Variants in CABLES1 observed in about 807,000 individuals in gnomAD.
The protein encoded by CABLES1 is CDK5 and ABL1 enzyme substrate 1.
In CABLES1, 36 loss-of-function variants were observed where a neutral mutation model predicts 57.8. The ratio of observed to expected loss-of-function variants is 0.62; its 90% CI spans 0.48 to 0.82. The LOEUF (loss-of-function observed/expected upper bound fraction) is 0.82. Ranked by LOEUF, CABLES1 falls within the 40% of genes least tolerant of loss-of-function variation. The probability of loss-of-function intolerance (pLI) is 0.00; values close to 1 mark genes in which losing one functional copy is unlikely to be tolerated. For missense variants in CABLES1, 767 were observed against 836.6 expected, an observed-to-expected ratio of 0.92 and a Z score of 1.03; for synonymous variants, 374 against 363.0, an observed-to-expected ratio of 1.03 and a Z score of -0.35.
Position 23,214,050 on chromosome 18 carries a change from G to A in CABLES1, c.1084G>A (p.Val362Ile), listed in dbSNP as rs183575205. ...SVLPYRDSTQ[V>I]GDLKLDGGRQ... ...GCTGCCGTATCGCGACAGTACCCAAGTCGGGTATGTATATGCATGCATGCT... is the reference window on the plus strand; with the variant it reads ...GCTGCCGTATCGCGACAGTACCCAAATCGGGTATGTATATGCATGCATGCT... Residue 362 changes from valine (V) to isoleucine (I), a missense_variant, in exon 4 of 10, where the codon GTC becomes ATC. By Grantham distance (29) the Val-to-Ile change is conservative. Transcript: ENST00000256925. 1.2e-4 allele frequency: 186 copies of A among 1,610,176 alleles called. No individual in the cohort carries two copies. The highest frequency in any genetic ancestry group is 1.7e-4 in the Admixed American group (10 of 59,840).
chr18:23,237,448 A>G (rs1047778232), intron 7 of CABLES1, among the ~76,000 whole-genome samples: 1 of 152,130 alleles, frequency 6.6e-6, no homozygotes, highest in Middle Eastern at 3.2e-3. Context: ...CACCACTTTC[A>G]AGGCTGGGCT....
At chr18:23,211,692 C>T (rs1425524898) in intron 3 of CABLES1, among the ~76,000 whole-genome samples, 1 of 152,260 alleles carries the variant, frequency 6.6e-6, no homozygotes, top group East Asian at 1.9e-4. Flanking sequence ...GCTCAAGTTC[C>T]AATCTCCACC....
At chr18:23,231,458 C>T (rs2047566615) in intron 4 of CABLES1, among the ~76,000 whole-genome samples, 1 of 152,190 alleles carries the variant, frequency 6.6e-6, no homozygotes. Context: ...TCTCCAGTAG[C>T]AGTTGAGGGT....
At chr18:23,155,189 A>G (rs1407543232) in intron 1 of CABLES1, among the ~76,000 whole-genome samples, 1 of 152,214 alleles carries the variant, frequency 6.6e-6, no homozygotes, top group Non-Finnish European at 1.5e-5. Flanking sequence ...AAGAAAATAA[A>G]AGTCAAGGCT....
rs1216445109 is a variant in CABLES1 at position 23,259,954 on chromosome 18, T to C, written c.*2587T>C. 9.3e-5 allele frequency: 14 copies of C among 151,050 alleles called. No homozygotes were observed. Among genetic ancestry groups the C allele is most frequent in the African/African-American group, 2.9e-4 (12 of 41,108 alleles). 9.4% of individuals were successfully genotyped at this position (151,050 alleles called of 1,614,324 possible). A position where few individuals can be genotyped will look rare whatever the true frequency, so the allele number is the denominator to read the frequency against. On this transcript the variant is annotated 3_prime_UTR_variant, in exon 10 of 10. Coordinates refer to ENST00000256925, the MANE Select transcript of CABLES1 (RefSeq NM_001100619.3). ...CTCCGCCCAGCCACACTCCTTGGGATAATACTAGCCGGTTCTGCCTGATTC... is the reference window on the plus strand; with the variant it reads ...CTCCGCCCAGCCACACTCCTTGGGACAATACTAGCCGGTTCTGCCTGATTC...
At chr18:23,156,712 T>G (rs1357002006) in intron 1 of CABLES1, among the ~76,000 whole-genome samples, 1 of 152,162 alleles carries the variant, frequency 6.6e-6, no homozygotes, top group South Asian at 2.1e-4. Context: ...TAAAGACACC[T>G]AATTTAATAT....
intron 7 of CABLES1, 52 bp downstream of exon 7, chr18:23,237,297 C>A (rs763314753): frequency 2.1e-5 from 27 of 1,295,160 alleles, no homozygotes; most frequent in South Asian, 1.9e-4. Context: ...GTTGCCCCAC[C>A]TGGGTTGGTG....
rs1221524978 is a variant in CABLES1, at chr18:23,150,947, C to T, written c.845+14340C>T. Among the ~76,000 whole-genome samples, 10 of 151,080 alleles carry T rather than the reference C, an allele frequency of 6.6e-5. No homozygotes were observed. The East Asian group carries it at 1.9e-3, about 29-fold the overall frequency. ...GGCTGACCTGAGAATCGGGCGGATG[C>T]CTCATAACGCTAAGAGCTCTCATTG... On this transcript the variant is annotated intron_variant, in intron 1 of 9. Transcript: ENST00000256925.
At chr18:23,136,710 C>T (rs2046825160) in intron 1 of CABLES1, 103 bp downstream of exon 1, 2 of 747,098 alleles carry the variant, frequency 2.7e-6, no homozygotes, top group African/African-American at 1.8e-5. Flanking sequence ...CTCCCATTTT[C>T]CCGCGCCCTG....
At chr18:23,142,827 G>C (rs188283100) in intron 1 of CABLES1, among the ~76,000 whole-genome samples, 1 of 152,100 alleles carries the variant, frequency 6.6e-6, no homozygotes, top group Non-Finnish European at 1.5e-5. Flanking sequence ...GTGCAGGGAC[G>C]TTTCACACCC....
chr18:23,198,793 C>G (rs1251327143), intron 3 of CABLES1, among the ~76,000 whole-genome samples: 1 of 152,234 alleles, frequency 6.6e-6, no homozygotes, highest in Non-Finnish European at 1.5e-5. Context: ...CCATGGGAAC[C>G]AGCTCTGCTA....
intron 3 of CABLES1, among the ~76,000 whole-genome samples, chr18:23,196,635 C>T (rs1412035426): frequency 6.6e-6 from 1 of 152,154 alleles, no homozygotes; most frequent in Non-Finnish European, 1.5e-5. Context: ...GCAGCCGGGG[C>T]GTTGGGTGAG....
At position 23,136,533 on chromosome 18, in the gene CABLES1, G is replaced by C. The variant is rs376493835; in HGVS notation, c.771G>C (p.Ser257=). Residue 257 remains serine (S), a synonymous_variant, in exon 1 of 10, where the codon TCG becomes TCC. Coordinates refer to ENST00000256925, the MANE Select transcript of CABLES1 (RefSeq NM_001100619.3). The part of the protein sequence containing the change: ...ILPIAFSRPT[S]QNYCSLEQPG... Reference sequence around the variant, plus strand: ...CCATCGCCTTCTCCAGGCCGACTTCGCAGAACTACTGCTCCCTGGAGCAGC... The same window carrying C: ...CCATCGCCTTCTCCAGGCCGACTTCCCAGAACTACTGCTCCCTGGAGCAGC... 27 of 1,584,478 alleles carry C rather than the reference G, an allele frequency of 1.7e-5. No individual in the cohort carries two copies. Among genetic ancestry groups the C allele is most frequent in the Non-Finnish European group, 2.6e-6 (3 of 1,172,866 alleles).
intron 7 of CABLES1, among the ~76,000 whole-genome samples, chr18:23,248,944 C>G (rs1666227992): frequency 6.6e-6 from 1 of 152,262 alleles, no homozygotes; most frequent in Admixed American, 6.5e-5. Flanking sequence ...CACTGTAGAA[C>G]TGTGCCACCC....
chr18:23,206,128 A>G (rs894101648), intron 3 of CABLES1, among the ~76,000 whole-genome samples: 3 of 152,060 alleles, frequency 2.0e-5, no homozygotes, highest in African/African-American at 7.2e-5. Flanking sequence ...TGCCCATCTG[A>G]CAGCGCCTGC....
At chr18:23,256,146 C>G (rs914551138) in intron 9 of CABLES1, among the ~76,000 whole-genome samples, 2 of 152,234 alleles carry the variant, frequency 1.3e-5, no homozygotes, top group African/African-American at 4.8e-5. Context: ...CAGTCAACAT[C>G]TGCTCTGTGG....
intron 4 of CABLES1, among the ~76,000 whole-genome samples, chr18:23,222,833 A>G (rs961476865): frequency 1.3e-5 from 2 of 152,114 alleles, no homozygotes; most frequent in African/African-American, 4.8e-5. Flanking sequence ...GCTTCTCTCC[A>G]AGTGACTCTG....
intron 8 of CABLES1, 41 bp downstream of exon 8, chr18:23,253,107 C>T (rs1322006204): frequency 9.0e-7 from 1 of 1,111,678 alleles, no homozygotes; most frequent in Non-Finnish European, 1.4e-6. Flanking sequence ...TCCCTGCAAA[C>T]CCCTCTTTCC....
chr18:23,247,215 T>C (rs1377259670), intron 7 of CABLES1, among the ~76,000 whole-genome samples: 4 of 152,220 alleles, frequency 2.6e-5, no homozygotes, highest in Admixed American at 2.6e-4. Flanking sequence ...AGGGCCACCA[T>C]CAGGCTCCCT....
Sources: gnomAD v4.1 joint callset for allele counts (sites outside exome capture counted in the v4.1 genomes callset) on GRCh38, gnomAD v4.1.1 for gene constraint, MANE v1.5 for transcripts, NCBI Gene and HGNC (gene_info 2026-07-23, HGNC 2026-07-21) for gene names.